TJP2: variants seen among roughly 807,000 people sequenced by gnomAD.
TJP2 encodes the protein tight junction protein 2.
A neutral mutation model predicts 133.1 loss-of-function variants in TJP2; 91 were observed. That is an observed-to-expected ratio of 0.68 (90% CI 0.58 to 0.81). The LOEUF (loss-of-function observed/expected upper bound fraction) is 0.81, where lower values mean the gene tolerates loss of function less well. Among genes scored for constraint, TJP2 ranks in the 40% least tolerant of loss-of-function variants. The pLI is 0.00. For missense variants in TJP2, 1,541 were observed against 1,565.6 expected (o/e 0.98, Z 0.26); for synonymous variants, 592 against 583.4 (o/e 1.01, Z -0.21).
At chr9:69,195,652 A>G (rs1214941863) in intron 1 of TJP2, among the ~76,000 whole-genome samples, 1 of 152,222 alleles carries the variant, frequency 6.6e-6, no homozygotes, top group Non-Finnish European at 1.5e-5. Context: ...CATATTGTTA[A>G]TGTCCAATCA....
At chr9:69,134,597 T>G (rs1822643996) in intron 1 of TJP2, among the ~76,000 whole-genome samples, 1 of 152,108 alleles carries the variant, frequency 6.6e-6, no homozygotes, top group Admixed American at 6.5e-5. Context: ...AGTGTCCACT[T>G]GGAAGGCTGA....
intron 2 of TJP2, among the ~76,000 whole-genome samples, chr9:69,213,680 G>T (rs1050588367): frequency 5.9e-5 from 9 of 152,222 alleles, no homozygotes; most frequent in Non-Finnish European, 8.8e-5. Flanking sequence ...CATTTGAGGG[G>T]TTTTGTCTGC....
intron 2 of TJP2, among the ~76,000 whole-genome samples, chr9:69,213,045 G>A (rs1828049989): frequency 1.7e-5 from 1 of 58,258 alleles, no homozygotes; most frequent in African/African-American, 4.3e-5. Flanking sequence ...AACTGCACTC[G>A]TGGTTCTGCA....
At position 69,252,846 on chromosome 9, in the gene TJP2, A is replaced by G. The variant is rs990893839; in HGVS notation, c.3353A>G (p.Tyr1118Cys). 3.1e-6 allele frequency: 5 copies of G among 1,614,194 alleles called. 1 individual carries two copies. Among genetic ancestry groups the G allele is most frequent in the African/African-American group, 2.7e-5 (2 of 75,050 alleles). ...IEIAQKHPDIYAVPIKTHKPD... is the reference protein window; with the variant it reads ...IEIAQKHPDICAVPIKTHKPD... ...ATTGCCCAGAAGCATCCTGATATCT[A>G]TGCAGTTCCAATCAAAACGCACAAG... The change falls in exon 22 of 23, where the codon TAT (tyrosine) becomes TGT (cysteine). Residue 1118 changes from tyrosine (Y) to cysteine (C), a missense_variant. By Grantham distance (194) the Tyr-to-Cys change is radical. Transcript: ENST00000377245.
intron 2 of TJP2, among the ~76,000 whole-genome samples, chr9:69,160,077 A>G (rs1214273631): frequency 6.6e-6 from 1 of 152,096 alleles, no homozygotes; most frequent in Non-Finnish European, 1.5e-5. Flanking sequence ...TGTAAAAAAT[A>G]AAGTGTCATT....
intron 11 of TJP2, 47 bp downstream of exon 11, chr9:69,230,279 C>T (rs768386723): frequency 6.2e-7 from 1 of 1,611,510 alleles, no homozygotes; most frequent in Admixed American, 1.7e-5. Context: ...GTAAGGAGTG[C>T]ACTTTTCTGG....
chr9:69,179,613 A>G (rs1237423666), intron 1 of TJP2, among the ~76,000 whole-genome samples: 1 of 148,700 alleles, frequency 6.7e-6, no homozygotes, highest in Non-Finnish European at 1.5e-5. Context: ...GGTTCACGCC[A>G]TTCAGCCTCC....
chr9:69,197,385 A>G (rs1451390043), intron 1 of TJP2, among the ~76,000 whole-genome samples: 2 of 152,202 alleles, frequency 1.3e-5, no homozygotes, highest in Admixed American at 1.3e-4. Context: ...CAGTTGATGG[A>G]CATTTGGGCT....
Position 69,248,146 on chromosome 9 carries a change from C to A in TJP2, c.2802C>A (p.Asp934Glu), listed in dbSNP as rs761643104. ...ACGGTGAAGGAGGCGCCTACACTGA[C>A]AATGAGCTGGATGAGCCAGCCGAGG... Reference protein sequence around the residue: ...DTDGEGGAYTDNELDEPAEEP... With the variant: ...DTDGEGGAYTENELDEPAEEP... The change falls in exon 19 of 23, where the codon GAC becomes GAA. Residue 934 changes from aspartate (D) to glutamate (E), a missense_variant. By Grantham distance (45) the Asp-to-Glu change is conservative (BLOSUM62 2). Transcript: ENST00000377245. 4 of 1,614,164 alleles carry A rather than the reference C, an allele frequency of 2.5e-6. No homozygotes were observed. The highest frequency in any genetic ancestry group is 3.4e-6 in the Non-Finnish European group (4 of 1,180,024).
rs934505986 is a variant in TJP2, at chr9:69,220,744, C to T, written c.343-143C>T. 33 of 756,912 alleles carry T rather than the reference C, an allele frequency of 4.4e-5. 1 individual carries two copies. In the Admixed American group the frequency reaches 6.7e-4, roughly 15 times the overall value. The allele number at this position is 756,912 out of a possible 1,614,324, so 46.9% of individuals were successfully genotyped here. On this transcript the variant is annotated intron_variant, in intron 4 of 22. Transcript: ENST00000377245. ...CTAACCCTGTGAGATTTTTATTGTCCGTTTCCGGATGAGGAACCTGAACCT... is the reference window on the plus strand; with the variant it reads ...CTAACCCTGTGAGATTTTTATTGTCTGTTTCCGGATGAGGAACCTGAACCT...
At chr9:69,191,110 A>G (rs1016599802) in intron 1 of TJP2, among the ~76,000 whole-genome samples, 1 of 144,138 alleles carries the variant, frequency 6.9e-6, no homozygotes, top group East Asian at 2.2e-4. Context: ...GCAAAAAGGA[A>G]AAAGGGTTGG....
intron 1 of TJP2, among the ~76,000 whole-genome samples, chr9:69,133,793 C>T (rs900800989): frequency 2.6e-5 from 4 of 151,976 alleles, no homozygotes; most frequent in Admixed American, 2.0e-4. Flanking sequence ...TCAAGTGACC[C>T]GCCTGCCTCA....
intron 1 of TJP2, among the ~76,000 whole-genome samples, chr9:69,188,662 G>A (rs1826009927): frequency 1.3e-5 from 2 of 152,288 alleles, no homozygotes; most frequent in African/African-American, 4.8e-5. Flanking sequence ...GTTCATTACT[G>A]TATGAGACCC....
intron 2 of TJP2, among the ~76,000 whole-genome samples, chr9:69,151,955 C>T (rs1406082955): frequency 1.3e-5 from 2 of 152,072 alleles, no homozygotes; most frequent in East Asian, 3.8e-4. Context: ...AACATCTTAC[C>T]TGAATTAATG....
intron 1 of TJP2, among the ~76,000 whole-genome samples, chr9:69,134,656 A>G (rs549845127): frequency 6.6e-6 from 1 of 152,342 alleles, no homozygotes; most frequent in African/African-American, 2.4e-5. Flanking sequence ...CCCAGGGTCA[A>G]TAGAGGAAGT....
chr9:69,125,875 A>G (rs1822287849), intron 1 of TJP2, among the ~76,000 whole-genome samples: 1 of 77,356 alleles, frequency 1.3e-5, no homozygotes, highest in South Asian at 3.6e-4. Context: ...ACTGGTCTCC[A>G]TAGGAGATAT....
At chr9:69,168,520 C>T (rs1451100738) in intron 2 of TJP2, among the ~76,000 whole-genome samples, 1 of 152,014 alleles carries the variant, frequency 6.6e-6, no homozygotes, top group South Asian at 2.1e-4. Flanking sequence ...GAGGGCAGGA[C>T]GCGGTGGCTC....
chr9:69,183,188 A>C (rs2133006172), intron 1 of TJP2, among the ~76,000 whole-genome samples: 1 of 152,028 alleles, frequency 6.6e-6, no homozygotes, highest in East Asian at 1.9e-4. Context: ...CATTTAATAC[A>C]CTCACAGTAT....
At chr9:69,252,763 G>GCC in intron 21 of TJP2, 52 bp from the exon 22 acceptor site, 1 of 1,545,664 alleles carries the variant, frequency 6.5e-7, no homozygotes, top group Non-Finnish European at 8.9e-7. Flanking sequence ...CAAGCAGAGT[G>GCC]CCCAGTGGTT....
Sources: gnomAD v4.1 joint callset for allele counts (sites outside exome capture counted in the v4.1 genomes callset) on GRCh38, gnomAD v4.1.1 for gene constraint, MANE v1.5 for transcripts, NCBI Gene and HGNC (gene_info 2026-07-23, HGNC 2026-07-21) for gene names.